Variants in SNX17 observed in about 807,000 individuals in gnomAD.
SNX17 encodes the protein sorting nexin-17.
SNX17 carries 35 observed loss-of-function variants against 64.3 expected under a neutral mutation model. That is an observed-to-expected ratio of 0.54 (90% CI 0.42 to 0.72). The LOEUF (loss-of-function observed/expected upper bound fraction) is 0.72, where lower values mean the gene tolerates loss of function less well. Among genes scored for constraint, SNX17 ranks in the 30% least tolerant of loss-of-function variants. The pLI is 0.00. For missense variants in SNX17, 538 were observed against 610.0 expected (o/e 0.88, Z 1.24); for synonymous variants, 259 against 230.2 (o/e 1.13, Z -1.13).
chr2:27,371,816 C>T (rs551830618), intron 2 of SNX17, among the ~76,000 whole-genome samples: 1 of 152,342 alleles, frequency 6.6e-6, no homozygotes, highest in Non-Finnish European at 1.5e-5. Flanking sequence ...TCCTTCCTTA[C>T]CAGATCTTAA....
rs776517615 is a variant in SNX17, at chr2:27,376,101, C to T, written c.1105-5C>T. 2 of 1,614,146 alleles carry T rather than the reference C, an allele frequency of 1.2e-6. No individual in the cohort carries two copies. The highest frequency in any genetic ancestry group is 1.7e-6 in the Non-Finnish European group (2 of 1,180,028). On this transcript the variant is annotated splice_region_variant and splice_polypyrimidine_tract_variant and intron_variant, in intron 11 of 14. Transcript: ENST00000233575. ...CATCAAGCTGGACACTCTTCTTGCC[C>T]TCAGGCTATCATGATGAGCATCTGC... is the stretch of plus-strand genomic sequence containing the variant.
Position 27,376,460 on chromosome 2 carries a change from T to C in SNX17, c.1258-19T>C, listed in dbSNP as rs758094457. ...CCTCTCCTAGTGAGTTTCTGACACCTCTGCCTCTTCTTCCCCAGGAGTCAC... is the reference window on the plus strand; with the variant it reads ...CCTCTCCTAGTGAGTTTCTGACACCCCTGCCTCTTCTTCCCCAGGAGTCAC... On this transcript the variant is annotated intron_variant, in intron 13 of 14. Transcript: ENST00000233575. 6 of 1,614,168 alleles carry C rather than the reference T, an allele frequency of 3.7e-6. No individual in the cohort carries two copies. Among genetic ancestry groups the C allele is most frequent in the Non-Finnish European group, 4.2e-6 (5 of 1,180,014 alleles).
chr2:27,371,589 A>G, intron 2 of SNX17: 2 of 687,174 alleles, frequency 2.9e-6, no homozygotes, highest in South Asian at 3.2e-5. Flanking sequence ...TTACTGCTCT[A>G]GTAGCCTTTA....
rs200265054 is a variant in SNX17 at position 27,373,324 on chromosome 2, G to A, written c.321+13G>A. ...TCGGGCACAACAGGTAGGGCTTTGG[G>A]TGGGACCAAGATTTAAGGAAAGGAC... is the stretch of plus-strand genomic sequence containing the variant. On this transcript the variant is annotated intron_variant, in intron 4 of 14. Coordinates refer to ENST00000233575, the MANE Select transcript of SNX17 (RefSeq NM_014748.4). The A allele has an allele frequency of 1.3e-4, 210 of 1,614,038 alleles. No homozygotes were observed. The highest frequency in any genetic ancestry group is 6.0e-4 in the South Asian group (55 of 91,082).
Position 27,375,441 on chromosome 2 carries a change from G to T in SNX17, c.775-65G>T. 6.3e-7 allele frequency: 1 copy of T among 1,584,290 alleles called. No individual in the cohort carries two copies. The highest frequency in any genetic ancestry group is 8.6e-7 in the Non-Finnish European group (1 of 1,156,070). On this transcript the variant is annotated intron_variant, in intron 9 of 14. Transcript: ENST00000233575. The surrounding 1 kb of genome is among the most constrained non-coding windows in gnomAD (Gnocchi z 4.1). The stretch of plus-strand genomic sequence containing the variant: ...GCATGAGCCACCGCGCCCGACCGGG[G>T]TTGCTTTTTCTGAGCTGCCCCATTC...
chr2:27,377,311 CGGTTTGTCCACAGCCCCTG>C lies in SNX17; in HGVS notation c.*595_*613del. The C allele has an allele frequency of 1.5e-6, 1 of 652,310 alleles. No homozygotes were observed. Among genetic ancestry groups the C allele is most frequent in the Non-Finnish European group, 2.8e-6 (1 of 360,250 alleles). 40.4% of individuals were successfully genotyped at this position (652,310 alleles called of 1,614,324 possible). On this transcript the variant is annotated 3_prime_UTR_variant, in exon 15 of 15. Transcript: ENST00000233575. This position sits in a 1 kb window ranked among gnomAD's most constrained non-coding sequence, Gnocchi z 4.4. ...GTGGGAGGCTGGGCAGTCCCCCAGC[CGGTTTGTCCACAGCCCCTG>C]GGGGCAGTGGAGGTGAATACAGGGC...
At position 27,374,167 on chromosome 2, in the gene SNX17, C is replaced by A. The variant is rs956510713; in HGVS notation, c.515C>A (p.Ala172Asp). 8 of 1,613,700 alleles carry A rather than the reference C, an allele frequency of 5.0e-6. No homozygotes were observed. Among genetic ancestry groups the A allele is most frequent in the Non-Finnish European group, 6.8e-6 (8 of 1,179,890 alleles). Residue 172 changes from alanine to aspartate, a missense_variant, in exon 6 of 15, where the codon GCC becomes GAC. Physicochemically the swap from Ala to Asp is moderately radical, Grantham distance 126. This residue lies in a region of SNX17 where 505 missense variants were observed against 550.4 expected (regional missense o/e 0.92). Transcript: ENST00000233575. Reference sequence around the variant, plus strand: ...TTAGTTCGAGAAAAAGAGGATGGAGCCTTTTCTTGTGAGTTTCTCTGGACT... The same window carrying A: ...TTAGTTCGAGAAAAAGAGGATGGAGACTTTTCTTGTGAGTTTCTCTGGACT... ...LFLVREKEDG[A>D]FSFVRKLQEF...
intron 8 of SNX17, 142 bp from the exon 9 acceptor site, chr2:27,374,919 A>T (rs1290912457): frequency 2.4e-5 from 23 of 964,190 alleles, no homozygotes; most frequent in Non-Finnish European, 3.7e-5. Context: ...TACTTTTATT[A>T]AGCTGACAAG....
chr2:27,374,793 A>G (rs758656072), intron 8 of SNX17, 35 bp downstream of exon 8: 1 of 1,597,590 alleles, frequency 6.3e-7, no homozygotes, highest in East Asian at 2.2e-5. Flanking sequence ...CCTTCCCCTG[A>G]AGAAAATAAC....
Position 27,373,234 on chromosome 2 carries a change from CTT to C in SNX17, c.257-12_257-11del. ...TGCTAAGTTCCTGTAATAATGTTCT[CTT>C]GTCCTCGTAGTTCGGCAAGACCCAT... On this transcript the variant is annotated splice_polypyrimidine_tract_variant and intron_variant, in intron 3 of 14. Transcript: ENST00000233575. The C allele has an allele frequency of 6.2e-7, 1 of 1,614,122 alleles. No homozygotes were observed. Among genetic ancestry groups the C allele is most frequent in the Non-Finnish European group, 8.5e-7 (1 of 1,179,996 alleles).
At position 27,377,331 on chromosome 2, in the gene SNX17, G is replaced by T. The variant is rs1326992019; in HGVS notation, c.*612G>T. 8.6e-6 allele frequency: 6 copies of T among 695,070 alleles called. No homozygotes were observed. The highest frequency in any genetic ancestry group is 7.6e-5 in the South Asian group (5 of 66,106). 43.1% of individuals were successfully genotyped at this position (695,070 alleles called of 1,614,324 possible). Reference sequence around the variant, plus strand: ...CCAGCCGGTTTGTCCACAGCCCCTGGGGGCAGTGGAGGTGAATACAGGGCC... The same window carrying T: ...CCAGCCGGTTTGTCCACAGCCCCTGTGGGCAGTGGAGGTGAATACAGGGCC... On this transcript the variant is annotated 3_prime_UTR_variant, in exon 15 of 15. Transcript: ENST00000233575. This position sits in a 1 kb window ranked among gnomAD's most constrained non-coding sequence, Gnocchi z 4.4.
intron 13 of SNX17, 36 bp from the exon 14 acceptor site, chr2:27,376,443 A>C (rs1296736187): frequency 1.2e-6 from 2 of 1,613,752 alleles, no homozygotes; most frequent in Admixed American, 1.7e-5. Flanking sequence ...CACCTCTCCT[A>C]GTGAGTTTCT....
At chr2:27,373,806 A>G (rs897019675) in intron 4 of SNX17, 55 bp from the exon 5 acceptor site, 2 of 1,305,486 alleles carry the variant, frequency 1.5e-6, no homozygotes, top group African/African-American at 2.9e-5. Context: ...AGTTGGGCAT[A>G]GGTCAAGGCA....
intron 2 of SNX17, 111 bp downstream of exon 2, chr2:27,371,454 A>C (rs1406740386): frequency 3.4e-6 from 5 of 1,453,812 alleles, no homozygotes; most frequent in Middle Eastern, 3.6e-4. Flanking sequence ...GTTCCCCTTT[A>C]ATCACTGCCA....
intron 2 of SNX17, 92 bp from the exon 3 acceptor site, chr2:27,372,531 G>A: frequency 1.9e-6 from 3 of 1,584,790 alleles, no homozygotes; most frequent in Non-Finnish European, 2.6e-6. Context: ...AGGGAAGGGA[G>A]GGGCACCCAA....
chr2:27,376,518 TCA>T lies in SNX17; in HGVS notation c.1298_1299del (p.Ser433Ter), dbSNP rs763975657. The T allele has an allele frequency of 6.2e-7, 1 of 1,614,148 alleles. No homozygotes were observed. The highest frequency in any genetic ancestry group is 8.5e-7 in the Non-Finnish European group (1 of 1,180,036). On this transcript the variant is annotated frameshift_variant and splice_region_variant, in exon 14 of 15. Transcript: ENST00000233575. LOFTEE classifies it high-confidence loss of function. The stretch of plus-strand genomic sequence containing the variant: ...CACCCGGGAGTCTATGGTCAAACTC[TCA>T]GTGAGTTCCAGCGTTGGTGAGGTTG... ...DATRESMVKL[S>X]SKLSAVSLRG... is the part of the protein sequence containing the mutation.
intron 3 of SNX17, 108 bp downstream of exon 3, chr2:27,372,848 G>A: frequency 6.9e-7 from 1 of 1,445,994 alleles, no homozygotes; most frequent in Non-Finnish European, 9.6e-7. Context: ...ATCTAGGAAG[G>A]CTCTTGTTTG....
At position 27,374,681 on chromosome 2, in the gene SNX17, C is replaced by T. The variant is rs776607664; in HGVS notation, c.612-8C>T. Reference sequence around the variant, plus strand: ...CCCATTACCCCTTTCCACCCCTTGGCCTCACAGTTATTGGGACTCTGCCTA... The same window carrying T: ...CCCATTACCCCTTTCCACCCCTTGGTCTCACAGTTATTGGGACTCTGCCTA... On this transcript the variant is annotated splice_polypyrimidine_tract_variant and splice_region_variant and intron_variant, in intron 7 of 14. Transcript: ENST00000233575. 5 of 1,614,014 alleles carry T rather than the reference C, an allele frequency of 3.1e-6. No homozygotes were observed. Among genetic ancestry groups the T allele is most frequent in the Admixed American group, 1.7e-5 (1 of 60,022 alleles).
intron 2 of SNX17, among the ~76,000 whole-genome samples, chr2:27,371,957 T>C (rs1322991543): frequency 6.6e-6 from 1 of 152,238 alleles, no homozygotes; most frequent in Admixed American, 6.5e-5. Flanking sequence ...CGATCTCGGC[T>C]CACTGCAACC....
Sources: gnomAD v4.1 joint callset for allele counts (sites outside exome capture counted in the v4.1 genomes callset) on GRCh38, gnomAD v4.1.1 for gene constraint, gnomAD v4.1.1 regional missense constraint, Gnocchi (gnomAD v3.1) non-coding constraint, MANE v1.5 for transcripts, NCBI Gene and HGNC (gene_info 2026-07-23, HGNC 2026-07-21) for gene names.